ABCC2: variants seen among roughly 807,000 people sequenced by gnomAD.
ABCC2 encodes ATP binding cassette subfamily C member 2, also known as ATP-binding cassette sub-family C member 2.
In ABCC2, 157 loss-of-function variants were observed where a neutral mutation model predicts 173.4. The observed-to-expected ratio is 0.91, with a 90% CI of 0.80 to 1.03. The LOEUF is 1.03. Ranked by LOEUF, ABCC2 falls within the 50% of genes least tolerant of loss-of-function variation. The probability of loss-of-function intolerance (pLI) is 0.00; values close to 1 mark genes in which losing one functional copy is unlikely to be tolerated. For synonymous variants in ABCC2, 657 were observed against 693.5 expected, an observed-to-expected ratio of 0.95 and a Z score of 0.83; for missense variants, 1,822 against 1,852.3, an observed-to-expected ratio of 0.98 and a Z score of 0.30.
At chr10:99,789,740 A>G (rs974185762) in intron 2 of ABCC2, among the ~76,000 whole-genome samples, 7 of 129,720 alleles carry the variant, frequency 5.4e-5, no homozygotes, top group African/African-American at 1.8e-4. Context: ...AAAGGAAAAG[A>G]AAAAGAAAGA....
chr10:99,802,898 A>T (rs2038035776), intron 9 of ABCC2, among the ~76,000 whole-genome samples: 1 of 152,220 alleles, frequency 6.6e-6, no homozygotes, highest in Non-Finnish European at 1.5e-5. Flanking sequence ...TGAGAACAGG[A>T]AGCCCATACT....
intron 19 of ABCC2, among the ~76,000 whole-genome samples, chr10:99,825,449 A>G (rs954622957): frequency 6.6e-6 from 1 of 152,248 alleles, no homozygotes; most frequent in Non-Finnish European, 1.5e-5. Context: ...GGCCTTACAC[A>G]CAGGTCTGTT....
At position 99,797,177 on chromosome 10, in the gene ABCC2, T is replaced by A; in HGVS notation, c.713T>A (p.Leu238Ter). The change falls in exon 7 of 32, where the codon TTA becomes TAA. Residue 238 changes from leucine to a stop codon, truncating the protein, a stop_gained. Transcript: ENST00000647814. LOFTEE classifies it high-confidence loss of function. ...GATGAAGAGATGAAAACCAAGACAT[T>A]AGTGAGCAAGTTTGAAACGCACATG... ...EVDEEMKTKT[L>*]VSKFETHMKR... 6.2e-7 allele frequency: 1 copy of A among 1,614,064 alleles called. No individual in the cohort carries two copies. The highest frequency in any genetic ancestry group is 8.5e-7 in the Non-Finnish European group (1 of 1,179,982).
At chr10:99,841,786 TA>T (rs377660441) in intron 25 of ABCC2, among the ~76,000 whole-genome samples, 180 bp from the exon 26 acceptor site, 4 of 152,312 alleles carry the variant, frequency 2.6e-5, no homozygotes, top group African/African-American at 9.6e-5. Flanking sequence ...TTTATTTTCT[TA>T]AAAAATATAT....
chr10:99,802,566 C>T (rs987066574), intron 9 of ABCC2, among the ~76,000 whole-genome samples: 1 of 151,822 alleles, frequency 6.6e-6, no homozygotes, highest in African/African-American at 2.4e-5. Context: ...CCTCTAGAAC[C>T]TTGGTGGTCT....
chr10:99,799,761 T>A (rs1472212563), intron 8 of ABCC2, among the ~76,000 whole-genome samples: 1 of 152,176 alleles, frequency 6.6e-6, no homozygotes, highest in African/African-American at 2.4e-5. Context: ...CTTCACAATC[T>A]GTCATGACCT....
rs761171418 is a variant in ABCC2, at chr10:99,834,403, C to A, written c.3282C>A (p.Thr1094=). Residue 1094 remains threonine (T), a synonymous_variant, in exon 24 of 32, where the codon ACC becomes ACA. Coordinates refer to ENST00000647814, the MANE Select transcript of ABCC2 (RefSeq NM_000392.5). ...FAGDISTVDD[T]LPQSLRSWIT... is the part of the protein sequence containing the mutation. Reference sequence around the variant, plus strand: ...AGGATATTTCCACAGTGGATGACACCCTGCCTCAGTCCTTGCGCAGCTGGA... The same window carrying A: ...AGGATATTTCCACAGTGGATGACACACTGCCTCAGTCCTTGCGCAGCTGGA... The A allele has an allele frequency of 6.2e-7, 1 of 1,614,146 alleles. No individual in the cohort carries two copies. The highest frequency in any genetic ancestry group is 1.6e-4 in the Middle Eastern group (1 of 6,062).
intron 6 of ABCC2, among the ~76,000 whole-genome samples, chr10:99,796,550 G>T (rs2037915141): frequency 6.6e-6 from 1 of 152,058 alleles, no homozygotes; most frequent in African/African-American, 2.4e-5. Context: ...CGTGTGCAGT[G>T]GTGCAAACCT....
chr10:99,790,260 T>C (rs2132959793), intron 2 of ABCC2, among the ~76,000 whole-genome samples: 1 of 152,358 alleles, frequency 6.6e-6, no homozygotes, highest in African/African-American at 2.4e-5. Context: ...AAAAATGTTA[T>C]GTTTCAAATT....
chr10:99,791,031 G>A (rs1257009420), intron 2 of ABCC2, among the ~76,000 whole-genome samples: 2 of 152,144 alleles, frequency 1.3e-5, no homozygotes, highest in Non-Finnish European at 2.9e-5. Flanking sequence ...CCCCTGATAG[G>A]TGGGGATGTG....
At chr10:99,795,558 G>A (rs2132981191) in intron 6 of ABCC2, among the ~76,000 whole-genome samples, 1 of 152,134 alleles carries the variant, frequency 6.6e-6, no homozygotes, top group East Asian at 1.9e-4. Flanking sequence ...AATTAGCCTG[G>A]CATGGTGGCA....
At chr10:99,814,604 T>TGTGTATATACACATACACACAC (rs1564685525) in intron 16 of ABCC2, among the ~76,000 whole-genome samples, 6 of 102,898 alleles carry the variant, frequency 5.8e-5, no homozygotes, top group Admixed American at 9.3e-5. Flanking sequence ...TACACACACA[T>TGTGTATATACACATACACACAC]ATGTGTATAT....
chr10:99,846,783 G>A (rs955208655), intron 29 of ABCC2, among the ~76,000 whole-genome samples, 178 bp from the exon 30 acceptor site: 1 of 152,164 alleles, frequency 6.6e-6, no homozygotes, highest in Non-Finnish European at 1.5e-5. Context: ...CTAGCCCCTG[G>A]CTGGTAGCCA....
In ABCC2 at chr10:99,851,621, C is replaced by T; in HGVS notation, c.4628C>T (p.Thr1543Ile). Residue 1543 changes from threonine (T) to isoleucine (I), a missense_variant, in exon 32 of 32, where the codon ACA becomes ATA. Physicochemically the swap from Thr to Ile is moderately conservative, Grantham distance 89 (BLOSUM62 -1). Transcript: ENST00000647814. Reference protein sequence around the residue: ...KEAGIENVNSTKF With the variant: ...KEAGIENVNSIKF ...GCTGGCATTGAGAATGTGAACAGCA[C>T]AAAATTCTAGCAGAAGGCCCCATGG... 1 of 1,613,892 alleles carries T rather than the reference C, an allele frequency of 6.2e-7. No homozygotes were observed. Among genetic ancestry groups the T allele is most frequent in the Non-Finnish European group, 8.5e-7 (1 of 1,179,958 alleles).
intron 8 of ABCC2, among the ~76,000 whole-genome samples, chr10:99,800,110 G>A (rs2037988330): frequency 6.6e-6 from 1 of 152,230 alleles, no homozygotes. Context: ...TGAGGTGGGA[G>A]GATCACCTAA....
chr10:99,809,261 G>A (rs555007672), intron 13 of ABCC2, among the ~76,000 whole-genome samples: 4 of 152,314 alleles, frequency 2.6e-5, no homozygotes, highest in South Asian at 4.1e-4. Context: ...GCTGAGGCAC[G>A]AGAATCACTT....
chr10:99,814,276 CGT>C lies in ABCC2; in HGVS notation c.2094+1133_2094+1134del, dbSNP rs1456045080. On this transcript the variant is annotated intron_variant, in intron 16 of 31. Transcript: ENST00000647814. ...ATGTATACACACGTATGTATACACA[CGT>C]ATGTATACACACACGTATGTATACA... Among the ~76,000 whole-genome samples the C allele has an allele frequency of 8.1e-3, 352 of 43,526 alleles. 31 individuals carry two copies. The highest frequency in any genetic ancestry group is 0.033 in the African/African-American group (302 of 9,156). The allele number at this position is 43,526 out of a possible 152,430, so 28.6% of individuals were successfully genotyped here.
chr10:99,821,969 A>G (rs1481736399), intron 19 of ABCC2, among the ~76,000 whole-genome samples: 2 of 151,986 alleles, frequency 1.3e-5, no homozygotes, highest in Non-Finnish European at 2.9e-5. Flanking sequence ...GGCATTAAAC[A>G]TCCTGGTGCT....
intron 9 of ABCC2, among the ~76,000 whole-genome samples, chr10:99,802,426 C>T (rs2133010841): frequency 6.6e-6 from 1 of 151,896 alleles, no homozygotes; most frequent in Non-Finnish European, 1.5e-5. Flanking sequence ...ACAAGGGCTA[C>T]TGGGACTGTA....
Sources: gnomAD v4.1 joint callset for allele counts (sites outside exome capture counted in the v4.1 genomes callset) on GRCh38, gnomAD v4.1.1 for gene constraint, MANE v1.5 for transcripts, NCBI Gene and HGNC (gene_info 2026-07-23, HGNC 2026-07-21) for gene names.